Variants in NME7 observed in about 807,000 individuals in gnomAD.
The protein encoded by NME7 is NME/NM23 family member 7, also known as nucleoside diphosphate kinase 7.
NME7 carries 41 observed loss-of-function variants against 49.1 expected under a neutral mutation model. The observed-to-expected ratio is 0.83, with a 90% CI of 0.65 to 1.08. The LOEUF (loss-of-function observed/expected upper bound fraction) is 1.08, where lower values mean the gene tolerates loss of function less well. Among genes scored for constraint, NME7 ranks in the 50% least tolerant of loss-of-function variants. NME7 has a pLI of 0.00. For synonymous variants in NME7, 139 were observed against 150.6 expected (o/e 0.92, Z 0.56); for missense variants, 423 against 463.4 (o/e 0.91, Z 0.80).
chr1:169,157,567 T>A (rs964671611), intron 11 of NME7, among the ~76,000 whole-genome samples: 1 of 152,186 alleles, frequency 6.6e-6, no homozygotes, highest in Non-Finnish European at 1.5e-5. Context: ...ACATTGAGAC[T>A]TCCCCCCAAA....
At chr1:169,143,271 G>A (rs1658654810) in intron 11 of NME7, among the ~76,000 whole-genome samples, 1 of 86,426 alleles carries the variant, frequency 1.2e-5, no homozygotes, top group Non-Finnish European at 2.9e-5. Context: ...TGTCACCTCA[G>A]GCTTTTTTTT....
At chr1:169,165,956 CCA>C (rs774443861) in intron 11 of NME7, among the ~76,000 whole-genome samples, 11 of 152,148 alleles carry the variant, frequency 7.2e-5, no homozygotes, top group Admixed American at 3.9e-4. Flanking sequence ...ATTCTCTAAA[CCA>C]CACAGTCATT....
intron 7 of NME7, among the ~76,000 whole-genome samples, chr1:169,265,005 A>G (rs1485244086): frequency 7.5e-6 from 1 of 133,050 alleles, no homozygotes; most frequent in African/African-American, 2.5e-5. Flanking sequence ...AGTGCAGAGT[A>G]AAAGAGGGAA....
intron 10 of NME7, among the ~76,000 whole-genome samples, chr1:169,224,304 G>A (rs1366940818): frequency 6.6e-6 from 1 of 152,106 alleles, no homozygotes; most frequent in Non-Finnish European, 1.5e-5. Context: ...CCTCCTCTCT[G>A]TGCATAAGAT....
At chr1:169,178,218 ACT>A (rs1337830649) in intron 10 of NME7, among the ~76,000 whole-genome samples, 3 of 152,060 alleles carry the variant, frequency 2.0e-5, no homozygotes, top group African/African-American at 7.3e-5. Context: ...CTACAGAGTG[ACT>A]CTCTCAACTC....
chr1:169,288,820 GC>G (rs1382489728), intron 6 of NME7, among the ~76,000 whole-genome samples: 1 of 152,072 alleles, frequency 6.6e-6, no homozygotes, highest in African/African-American at 2.4e-5. Context: ...TGCTTTGATT[GC>G]ATGGTCCGAG....
At chr1:169,322,914 T>G (rs1651907675) in intron 3 of NME7, among the ~76,000 whole-genome samples, 1 of 152,086 alleles carries the variant, frequency 6.6e-6, no homozygotes, top group Non-Finnish European at 1.5e-5. Context: ...ACAGGAGACA[T>G]AAACATGAAT....
At chr1:169,256,936 T>A (rs1406393109) in intron 7 of NME7, among the ~76,000 whole-genome samples, 9 of 129,176 alleles carry the variant, frequency 7.0e-5, no homozygotes, top group African/African-American at 2.3e-4. Flanking sequence ...GATCTCCAGC[T>A]GCATGCTGGG....
intron 11 of NME7, among the ~76,000 whole-genome samples, chr1:169,158,553 C>T (rs945702598): frequency 1.1e-4 from 16 of 152,016 alleles, no homozygotes; most frequent in African/African-American, 3.9e-4. Flanking sequence ...ATAAGGAGCT[C>T]ATACCAGACC....
chr1:169,334,439 C>T (rs891252411), intron 1 of NME7, among the ~76,000 whole-genome samples: 1 of 152,052 alleles, frequency 6.6e-6, no homozygotes, highest in Non-Finnish European at 1.5e-5. Context: ...CTTTGACAAA[C>T]CTGACAAAAA....
intron 7 of NME7, among the ~76,000 whole-genome samples, chr1:169,269,615 T>C (rs76681931): frequency 0.012 from 1,638 of 133,216 alleles, 205 homozygotes; most frequent in African/African-American, 0.04. Flanking sequence ...GCACCAAAGC[T>C]ACCATTACAG....
At chr1:169,262,133 G>A (rs1456387065) in intron 7 of NME7, among the ~76,000 whole-genome samples, 2 of 133,732 alleles carry the variant, frequency 1.5e-5, no homozygotes, top group Non-Finnish European at 3.5e-5. Context: ...AATTTCCATT[G>A]AGGATTATCT....
intron 10 of NME7, among the ~76,000 whole-genome samples, chr1:169,195,766 C>G (rs1271850394): frequency 6.6e-6 from 1 of 152,118 alleles, no homozygotes; most frequent in Non-Finnish European, 1.5e-5. Flanking sequence ...ATACTGAGTT[C>G]TTACTATGTA....
At chr1:169,262,648 G>A (rs1649199662) in intron 7 of NME7, among the ~76,000 whole-genome samples, 1 of 133,240 alleles carries the variant, frequency 7.5e-6, no homozygotes, top group African/African-American at 2.5e-5. Context: ...TCGGGGCTCA[G>A]TGCAGAGCCA....
At chr1:169,161,568 T>C (rs909031316) in intron 11 of NME7, among the ~76,000 whole-genome samples, 1 of 152,156 alleles carries the variant, frequency 6.6e-6, no homozygotes, top group Non-Finnish European at 1.5e-5. Context: ...GATCAACTAC[T>C]TATGAAACTG....
At chr1:169,249,840 G>C (rs1468928570) in intron 7 of NME7, among the ~76,000 whole-genome samples, 1 of 151,994 alleles carries the variant, frequency 6.6e-6, no homozygotes, top group Admixed American at 6.6e-5. Context: ...ACTTGGTCAT[G>C]GTGTATTATC....
intron 6 of NME7, among the ~76,000 whole-genome samples, chr1:169,289,451 A>C (rs1352462167): frequency 6.6e-6 from 1 of 152,220 alleles, no homozygotes; most frequent in Non-Finnish European, 1.5e-5. Flanking sequence ...TGTACAAATG[A>C]GAAAAATGAG....
At chr1:169,250,167 G>A (rs1648501439) in intron 7 of NME7, among the ~76,000 whole-genome samples, 1 of 151,890 alleles carries the variant, frequency 6.6e-6, no homozygotes, top group Non-Finnish European at 1.5e-5. Context: ...TTCTTGGTCT[G>A]TTCGGGGTTT....
At chr1:169,291,093 A>T (rs1375821897) in intron 6 of NME7, among the ~76,000 whole-genome samples, 1 of 152,146 alleles carries the variant, frequency 6.6e-6, no homozygotes, top group Non-Finnish European at 1.5e-5. Flanking sequence ...TTTGTGGAAG[A>T]CAGTGTGGTA....
Sources: gnomAD v4.1 joint callset for allele counts (sites outside exome capture counted in the v4.1 genomes callset) on GRCh38, gnomAD v4.1.1 for gene constraint, MANE v1.5 for transcripts, NCBI Gene and HGNC (gene_info 2026-07-23, HGNC 2026-07-21) for gene names.